The following GPC5 variants were observed in gnomAD, a reference collection of about 807,000 sequenced individuals.
GPC5 encodes glypican-5.
Under a neutral mutation model 53.9 loss-of-function variants are expected in GPC5, and 47 were observed. That is an observed-to-expected ratio of 0.87 (90% CI 0.69 to 1.11). The LOEUF (loss-of-function observed/expected upper bound fraction) is 1.11, where lower values mean the gene tolerates loss of function less well. Among genes scored for constraint, GPC5 ranks in the 50% most tolerant of loss-of-function variants. The probability of loss-of-function intolerance (pLI) is 0.00; values close to 1 mark genes in which losing one functional copy is unlikely to be tolerated. For synonymous variants in GPC5, 286 were observed against 263.3 expected (o/e 1.09, Z -0.84); for missense variants, 748 against 713.1 (o/e 1.05, Z -0.56).
chr13:92,557,169 A>G (rs1882524393), intron 7 of GPC5, among the ~76,000 whole-genome samples: 1 of 151,668 alleles, frequency 6.6e-6, no homozygotes, highest in African/African-American at 2.4e-5. Flanking sequence ...TGATGGACCG[A>G]GTCTGTCTTT....
At chr13:91,904,417 G>GA (rs923692868) in intron 5 of GPC5, among the ~76,000 whole-genome samples, 2 of 151,850 alleles carry the variant, frequency 1.3e-5, no homozygotes, top group Admixed American at 1.3e-4. Context: ...TGTAATTAGA[G>GA]AAAAAAATAA....
chr13:91,843,107 AATTGT>A, intron 5 of GPC5, among the ~76,000 whole-genome samples: 2 of 152,278 alleles, frequency 1.3e-5, no homozygotes, highest in East Asian at 3.9e-4. Context: ...ACAATTTTAG[AATTGT>A]ATTCTAAACT....
intron 3 of GPC5, among the ~76,000 whole-genome samples, chr13:91,711,393 G>T (rs1471024096): frequency 6.7e-6 from 1 of 149,360 alleles, no homozygotes; most frequent in East Asian, 2.1e-4. Context: ...CTCATGGTGG[G>T]AATTGAACAA....
chr13:92,176,539 GA>G (rs1350444605), intron 7 of GPC5, among the ~76,000 whole-genome samples: 2 of 151,838 alleles, frequency 1.3e-5, no homozygotes, highest in African/African-American at 2.4e-5. Context: ...ATGCTCATTT[GA>G]AAAAAAATAA....
chr13:92,789,733 G>A (rs1053077017), intron 7 of GPC5, among the ~76,000 whole-genome samples: 3 of 152,062 alleles, frequency 2.0e-5, no homozygotes, highest in Admixed American at 2.0e-4. Flanking sequence ...AACTGAAGGT[G>A]TCTTAGGGTT....
In GPC5 at chr13:92,806,304, C is replaced by G. The variant is rs180797838; in HGVS notation, c.1562-59978C>G. On this transcript the variant is annotated intron_variant, in intron 7 of 7. Coordinates refer to ENST00000377067, the MANE Select transcript of GPC5 (RefSeq NM_004466.6). ...CTCATAGAATTTAAAAGCATTAAGG[C>G]CTTGCTCTGGATTTGACTTTGGGTA... 1.3e-5 allele frequency among the ~76,000 whole-genome samples: 2 copies of G among 152,208 alleles called. 1 individual carries two copies. The highest frequency in any genetic ancestry group is 1.3e-4 in the Admixed American group (2 of 15,250).
intron 7 of GPC5, among the ~76,000 whole-genome samples, chr13:92,789,103 C>T (rs1164046271): frequency 6.6e-6 from 1 of 152,174 alleles, no homozygotes; most frequent in Non-Finnish European, 1.5e-5. Context: ...AATGGCCCAA[C>T]TCCTGTACCT....
intron 7 of GPC5, among the ~76,000 whole-genome samples, chr13:92,615,705 G>A (rs1884658792): frequency 6.6e-6 from 1 of 152,120 alleles, no homozygotes; most frequent in Admixed American, 6.6e-5. Flanking sequence ...TCTCCAAGAA[G>A]GGGTATAAAG....
chr13:92,484,956 G>A (rs780388882), intron 7 of GPC5, among the ~76,000 whole-genome samples: 10 of 151,906 alleles, frequency 6.6e-5, no homozygotes, highest in Non-Finnish European at 1.2e-4. Context: ...AGTTGGTCTC[G>A]AACTCCTGAC....
chr13:92,547,735 A>G lies in GPC5; in HGVS notation c.1562-318547A>G, dbSNP rs189117329. On this transcript the variant is annotated intron_variant, in intron 7 of 7. Coordinates refer to ENST00000377067, the MANE Select transcript of GPC5 (RefSeq NM_004466.6). ...CAACTGTGAAAAATCTTTGTATTCT[A>G]TTCATAGTTCCTTGTTGGTAATGGG... 4.9e-3 allele frequency among the ~76,000 whole-genome samples: 743 copies of G among 151,650 alleles called. 3 individuals are homozygous for G. Among genetic ancestry groups the G allele is most frequent in the Non-Finnish European group, 8.2e-3 (557 of 67,940 alleles).
chr13:92,316,778 A>G (rs1172241998), intron 7 of GPC5, among the ~76,000 whole-genome samples: 1 of 152,128 alleles, frequency 6.6e-6, no homozygotes, highest in Admixed American at 6.6e-5. Context: ...ATTCTAAATG[A>G]GAAAAGGGGT....
At chr13:92,157,388 T>C (rs997250899) in intron 7 of GPC5, among the ~76,000 whole-genome samples, 2 of 152,164 alleles carry the variant, frequency 1.3e-5, no homozygotes, top group Non-Finnish European at 2.9e-5. Context: ...GCTTGGTCAA[T>C]GTGATTAGGT....
intron 2 of GPC5, among the ~76,000 whole-genome samples, chr13:91,552,931 C>A (rs974626570): frequency 6.6e-6 from 1 of 152,082 alleles, no homozygotes; most frequent in African/African-American, 2.4e-5. Flanking sequence ...ATTTTACCAT[C>A]TCCAAAACCA....
rs1355022070 is a variant in GPC5 at position 92,789,280 on chromosome 13, C to T, written c.1562-77002C>T. ...GTTGTCTTCATGTACACCACATGGA[C>T]TCTTTATGCACAAGTCATGTTTTCT... On this transcript the variant is annotated intron_variant, in intron 7 of 7. Transcript: ENST00000377067. 1.3e-5 allele frequency among the ~76,000 whole-genome samples: 2 copies of T among 152,120 alleles called. 1 individual carries two copies. The highest frequency in any genetic ancestry group is 1.3e-4 in the Admixed American group (2 of 15,264).
intron 1 of GPC5, among the ~76,000 whole-genome samples, chr13:91,413,354 TAAA>T (rs35283458): frequency 6.8e-6 from 1 of 146,254 alleles, no homozygotes; most frequent in Non-Finnish European, 1.5e-5. Context: ...TGGCCCCACT[TAAA>T]AAAAAAAACT....
rs2042929146 is a variant in GPC5, at chr13:92,283,169, A to G, written c.1561+138180A>G. 2.6e-5 allele frequency among the ~76,000 whole-genome samples: 4 copies of G among 152,346 alleles called. 1 individual carries two copies. The South Asian group carries it at 8.3e-4, about 32-fold the overall frequency. The stretch of plus-strand genomic sequence containing the variant: ...AAGGCCATTACATAATGGTAAAGGG[A>G]TCAATTCAATAAGAAGAGCTAAATA... On this transcript the variant is annotated intron_variant, in intron 7 of 7. Coordinates refer to ENST00000377067, the MANE Select transcript of GPC5 (RefSeq NM_004466.6).
chr13:91,616,605 A>T (rs568256762), intron 2 of GPC5, among the ~76,000 whole-genome samples: 6 of 152,056 alleles, frequency 3.9e-5, no homozygotes, highest in African/African-American at 9.6e-5. Flanking sequence ...ATCTCTGCCA[A>T]TTTTTTCTGA....
intron 7 of GPC5, among the ~76,000 whole-genome samples, chr13:92,221,729 T>TC: frequency 6.6e-6 from 1 of 151,954 alleles, no homozygotes; most frequent in East Asian, 1.9e-4. Context: ...CTATTTTTTT[T>TC]CCATTAAGTG....
At chr13:92,360,355 A>G (rs2043555706) in intron 7 of GPC5, among the ~76,000 whole-genome samples, 1 of 151,742 alleles carries the variant, frequency 6.6e-6, no homozygotes, top group Non-Finnish European at 1.5e-5. Context: ...TCCATCCCAT[A>G]AACAGAACTA....
Sources: gnomAD v4.1 joint callset for allele counts (sites outside exome capture counted in the v4.1 genomes callset) on GRCh38, gnomAD v4.1.1 for gene constraint, MANE v1.5 for transcripts, NCBI Gene and HGNC (gene_info 2026-07-23, HGNC 2026-07-21) for gene names.